Variants in TCHH observed in about 807,000 individuals in gnomAD.
TCHH encodes trichohyalin.
TCHH carries 6 observed loss-of-function variants against 6.3 expected under a neutral mutation model. The observed-to-expected ratio is 0.95, with a 90% confidence interval of 0.52 to 1.88. TCHH has a LOEUF of 1.88. TCHH is among the 40% of genes most tolerant of loss of function. The probability of loss-of-function intolerance (pLI) is 0.01; values close to 1 mark genes in which losing one functional copy is unlikely to be tolerated. For missense variants in TCHH, 2,920 were observed against 2,449.1 expected, an observed-to-expected ratio of 1.19 and a Z score of -4.06; for synonymous variants, 1,087 against 963.6, an observed-to-expected ratio of 1.13 and a Z score of -2.37.
At position 152,110,480 on chromosome 1, in the gene TCHH, GCTC is replaced by G. The variant is rs754137237; in HGVS notation, c.2734_2736del (p.Glu912del). 51 of 1,612,984 alleles carry G rather than the reference GCTC, an allele frequency of 3.2e-5. No individual in the cohort carries two copies. In the Admixed American group the frequency reaches 3.3e-4, roughly 11 times the overall value. On this transcript the variant is annotated inframe_deletion, in exon 3 of 3. Transcript: ENST00000614923. ...CTCTTCTCGCGCTCCTCTCTCTGTA[GCTC>G]CTCCTCCTCCTCCTGCAGCAGCTGC... is the stretch of plus-strand genomic sequence containing the variant.
At position 152,109,619 on chromosome 1, in the gene TCHH, G is replaced by T. The variant is rs199817873; in HGVS notation, c.3598C>A (p.Arg1200=). 3 of 1,614,142 alleles carry T rather than the reference G, an allele frequency of 1.9e-6. No homozygotes were observed. Among genetic ancestry groups the T allele is most frequent in the Non-Finnish European group, 2.5e-6 (3 of 1,180,040 alleles). Residue 1200 remains arginine, a synonymous_variant, in exon 3 of 3, where the codon CGG becomes AGG. Transcript: ENST00000614923. The part of the protein sequence containing the change: ...KRRQERERQY[R]EEEELQRQKR... The stretch of plus-strand genomic sequence containing the variant: ...TGGCGCTGAAGCTCTTCCTCCTCCC[G>T]ATACTGCCTCTCCCGCTCCTGGCGC...
rs375717600 is a variant in TCHH, at chr1:152,109,917, C to T, written c.3300G>A (p.Lys1100=). Residue 1100 remains lysine, a synonymous_variant, in exon 3 of 3, where the codon AAG becomes AAA. Coordinates refer to ENST00000614923, the MANE Select transcript of TCHH (RefSeq NM_007113.4). ...EEQLLREEPE[K]RRRQERERQC... is the part of the protein sequence containing the mutation. ...GCCTCTCCCGCTCCTGGCGCCTTCT[C>T]TTCTCCGGTTCCTCTCTCAGCAGCT... The T allele has an allele frequency of 4.7e-3, 7,492 of 1,580,150 alleles. 19 individuals carry two copies. The highest frequency in any genetic ancestry group is 5.6e-3 in the Non-Finnish European group (6,539 of 1,167,688).
chr1:152,113,758 A>G (rs1294780844), intron 2 of TCHH, among the ~76,000 whole-genome samples, 185 bp downstream of exon 2: 1 of 152,218 alleles, frequency 6.6e-6, no homozygotes, highest in Non-Finnish European at 1.5e-5. Context: ...AGTACATGAA[A>G]TACTTTATTA....
rs761565101 is a variant in TCHH, at chr1:152,111,722, G to GCTCGCGCCTCTCCTCCTC, written c.1477_1494dup (p.Glu493_Glu498dup). 2 of 1,597,270 alleles carry GCTCGCGCCTCTCCTCCTC rather than the reference G, an allele frequency of 1.3e-6. No individual in the cohort carries two copies. Among genetic ancestry groups the GCTCGCGCCTCTCCTCCTC allele is most frequent in the African/African-American group, 1.4e-5 (1 of 73,008 alleles). On this transcript the variant is annotated inframe_insertion, in exon 3 of 3. Coordinates refer to ENST00000614923, the MANE Select transcript of TCHH (RefSeq NM_007113.4). Reference sequence around the variant, plus strand: ...AGTTGCTGCTCGCGCCTCTCCTGCTGCTCGCGCCTCTCCTCCTCCTCGAGC... The same window carrying GCTCGCGCCTCTCCTCCTC: ...AGTTGCTGCTCGCGCCTCTCCTGCTGCTCGCGCCTCTCCTCCTCCTCGCGCCTCTCCTCCTCCTCGAGC...
chr1:152,114,430 AGAG>A (rs1553194944), intron 1 of TCHH, among the ~76,000 whole-genome samples: 5 of 152,200 alleles, frequency 3.3e-5, no homozygotes, highest in Non-Finnish European at 7.3e-5. Flanking sequence ...AATTAAGAGA[AGAG>A]TGCAGAAATT....
At position 152,112,687 on chromosome 1, in the gene TCHH, C is replaced by T. The variant is rs1418667862; in HGVS notation, c.530G>A (p.Arg177Lys). ...CTCTTCCCGTTCTTGCCATTCTTGCCTTTGCCGCCACAGCTCCTCGTCGCG... is the reference window on the plus strand; with the variant it reads ...CTCTTCCCGTTCTTGCCATTCTTGCTTTTGCCGCCACAGCTCCTCGTCGCG... ...QRRDEELWRQ[R>K]QEWQEREERR... is the part of the protein sequence containing the mutation. Residue 177 changes from arginine (R) to lysine (K), a missense_variant, in exon 3 of 3, where the codon AGG becomes AAG. By Grantham distance (26) the Arg-to-Lys change is conservative (BLOSUM62 2). Transcript: ENST00000614923. 3.1e-6 allele frequency: 5 copies of T among 1,613,976 alleles called. No individual in the cohort carries two copies. The highest frequency in any genetic ancestry group is 1.3e-5 in the African/African-American group (1 of 74,900).
chr1:152,108,108 C>T lies in TCHH; in HGVS notation c.5109G>A (p.Gln1703=). 2 of 1,611,226 alleles carry T rather than the reference C, an allele frequency of 1.2e-6. No individual in the cohort carries two copies. Among genetic ancestry groups the T allele is most frequent in the Non-Finnish European group, 1.7e-6 (2 of 1,179,154 alleles). The change falls in exon 3 of 3, where the codon CAG becomes CAA. Residue 1703 remains glutamine (Q), a synonymous_variant. Transcript: ENST00000614923. ...CCTGGAGGAATTTTCTCTCTCGTTC[C>T]TGACGGCGGAGCTGCTGTTCCTCTT... The part of the protein sequence containing the change: ...FREEEQQLRR[Q]ERERKFLQEE...
chr1:152,107,643 A>G lies in TCHH; in HGVS notation c.5574T>C (p.Arg1858=). Residue 1858 remains arginine (R), a synonymous_variant, in exon 3 of 3, where the codon CGT becomes CGC. Transcript: ENST00000614923. ...CTTGCCATAGTTCTTGTTCCTCACG[A>G]CGACTCTTCTCCTGCGTGGCAAACT... ...EEQFATQEKS[R]REEQELWQEE... is the part of the protein sequence containing the mutation. The G allele has an allele frequency of 6.2e-7, 1 of 1,613,932 alleles. No homozygotes were observed. Among genetic ancestry groups the G allele is most frequent in the Non-Finnish European group, 8.5e-7 (1 of 1,180,000 alleles).
Position 152,107,731 on chromosome 1 carries a change from T to C in TCHH, c.5486A>G (p.Gln1829Arg). 6.2e-7 allele frequency: 1 copy of C among 1,614,238 alleles called. No homozygotes were observed. The highest frequency in any genetic ancestry group is 8.5e-7 in the Non-Finnish European group (1 of 1,180,046). The change falls in exon 3 of 3, where the codon CAA becomes CGA. Residue 1829 changes from glutamine to arginine, a missense_variant. Physicochemically the swap from Gln to Arg is conservative, Grantham distance 43. Transcript: ENST00000614923. ...CAGCCTCTGCTCTTGTTCCTCAAGT[T>C]GGAGCTGCTCTTCTTCCCAGCGATA... is the stretch of plus-strand genomic sequence containing the variant. ...GKYRWEEEQL[Q>R]LEEQEQRLRQ...
Position 152,109,210 on chromosome 1 carries a change from C to G in TCHH, c.4007G>C (p.Arg1336Thr). The G allele has an allele frequency of 6.2e-7, 1 of 1,613,334 alleles. No homozygotes were observed. Among genetic ancestry groups the G allele is most frequent in the African/African-American group, 1.3e-5 (1 of 75,070 alleles). ...CAGCTGTTCCTCCTCGCGGAATTTT[C>G]TGTCTGTCTCTTGACGGCGTCTCTT... The part of the protein sequence containing the change: ...EEKRRRQETD[R>T]KFREEEQLLQ... Residue 1336 changes from arginine (R) to threonine (T), a missense_variant, in exon 3 of 3, where the codon AGA becomes ACA. Transcript: ENST00000614923.
rs760326208 is a variant in TCHH, at chr1:152,107,984, G to C, written c.5233C>G (p.Arg1745Gly). 49 of 1,612,878 alleles carry C rather than the reference G, an allele frequency of 3.0e-5. No homozygotes were observed. The East Asian group carries it at 7.1e-4, about 24-fold the overall frequency. ...TCTTCCTCTAGGATTTTTCTGTAGC[G>C]TTCTTGGCGGCGCAGCTGCTCTTGC... ...TEQEQLRRQE[R>G]YRKILEEEQL... Residue 1745 changes from arginine (R) to glycine (G), a missense_variant, in exon 3 of 3, where the codon CGC becomes GGC. By Grantham distance (125) the Arg-to-Gly change is moderately radical (BLOSUM62 -2). Transcript: ENST00000614923.
rs1658182718 is a variant in TCHH at position 152,108,357 on chromosome 1, T to C, written c.4860A>G (p.Lys1620=). The C allele has an allele frequency of 1.9e-6, 3 of 1,606,632 alleles. No homozygotes were observed. Among genetic ancestry groups the C allele is most frequent in the Non-Finnish European group, 1.7e-6 (2 of 1,177,580 alleles). ...GGAGCAGCTGTTCGTCTTCGCGGAA[T>C]TTTCTGTCGCGCTCCTGGCGCAGCT... The part of the protein sequence containing the change: ...QQQLRQERDR[K]FREDEQLLQE... The change falls in exon 3 of 3, where the codon AAA becomes AAG. Residue 1620 remains lysine, a synonymous_variant. Coordinates refer to ENST00000614923, the MANE Select transcript of TCHH (RefSeq NM_007113.4).
In TCHH at chr1:152,107,103, TAAAC is replaced by T. The variant is rs1055775870; in HGVS notation, c.*278_*281del. The T allele has an allele frequency of 5.3e-5, 15 of 283,722 alleles. No individual in the cohort carries two copies. The highest frequency in any genetic ancestry group is 9.1e-5 in the Non-Finnish European group (14 of 153,630). 17.6% of individuals were successfully genotyped at this position (283,722 alleles called of 1,614,324 possible). A position where few individuals can be genotyped will look rare whatever the true frequency, so the allele number is the denominator to read the frequency against. On this transcript the variant is annotated 3_prime_UTR_variant, in exon 3 of 3. Transcript: ENST00000614923. ...AACATGTTCCTCAAACAAAATTTCT[TAAAC>T]AAATTAAATGATTTATATTTTTTTT... is the stretch of plus-strand genomic sequence containing the variant.
rs773033251 is a variant in TCHH at position 152,108,178 on chromosome 1, T to C, written c.5039A>G (p.Glu1680Gly). 1.1e-5 allele frequency: 17 copies of C among 1,613,574 alleles called. No homozygotes were observed. In the South Asian group the frequency reaches 1.8e-4, roughly 17 times the overall value. Reference protein sequence around the residue: ...REEEQLLQEGEEQQLRRQERD... With the variant: ...REEEQLLQEGGEQQLRRQERD... ...CTCTTGGCGGCGCAGCTGCTGTTCC[T>C]CCCCTTCCTGGAGCAGCTGTTCCTC... Residue 1680 changes from glutamate (E) to glycine (G), a missense_variant, in exon 3 of 3, where the codon GAG becomes GGG. Glu to Gly is a moderately conservative substitution (Grantham distance 98, BLOSUM62 -2). Coordinates refer to ENST00000614923, the MANE Select transcript of TCHH (RefSeq NM_007113.4).
rs373657816 is a variant in TCHH, at chr1:152,109,703, C to G, written c.3514G>C (p.Glu1172Gln). 83 of 1,605,224 alleles carry G rather than the reference C, an allele frequency of 5.2e-5. No individual in the cohort carries two copies. The South Asian group carries it at 7.5e-4, about 15-fold the overall frequency. ...RRQELERQYR[E>Q]EEELQQEEEQ... ...TCCTCCTGCTGCAGCTCCTCTTCCTCGCGGTATTGCCTCTCCAGCTCCTGG... is the reference window on the plus strand; with the variant it reads ...TCCTCCTGCTGCAGCTCCTCTTCCTGGCGGTATTGCCTCTCCAGCTCCTGG... The change falls in exon 3 of 3, where the codon GAG becomes CAG. Residue 1172 changes from glutamate to glutamine, a missense_variant. Transcript: ENST00000614923.
At position 152,111,080 on chromosome 1, in the gene TCHH, C is replaced by A; in HGVS notation, c.2137G>T (p.Asp713Tyr). Residue 713 changes from aspartate to tyrosine, a missense_variant, in exon 3 of 3, where the codon GAC (aspartate) becomes TAC (tyrosine). By Grantham distance (160) the Asp-to-Tyr change is radical. Transcript: ENST00000614923. Reference protein sequence around the residue: ...KWQWQLESEADARQSKVYSRP... With the variant: ...KWQWQLESEAYARQSKVYSRP... Reference sequence around the variant, plus strand: ...GAGTAGACTTTGCTTTGCCGTGCGTCGGCCTCGCTTTCTAGCTGCCACTGC... The same window carrying A: ...GAGTAGACTTTGCTTTGCCGTGCGTAGGCCTCGCTTTCTAGCTGCCACTGC... The A allele has an allele frequency of 6.2e-7, 1 of 1,613,528 alleles. No individual in the cohort carries two copies.
rs768294718 is a variant in TCHH, at chr1:152,108,325, C to T, written c.4892G>A (p.Arg1631Lys). Residue 1631 changes from arginine (R) to lysine (K), a missense_variant, in exon 3 of 3, where the codon AGG becomes AAG. Physicochemically the swap from Arg to Lys is conservative, Grantham distance 26. Coordinates refer to ENST00000614923, the MANE Select transcript of TCHH (RefSeq NM_007113.4). ...FREDEQLLQE[R>K]EEQQLHRQER... The stretch of plus-strand genomic sequence containing the variant: ...TTGGCGGTGCAGCTGCTGTTCTTCC[C>T]TTTCCTGGAGCAGCTGTTCGTCTTC... 1.1e-5 allele frequency: 17 copies of T among 1,602,318 alleles called. No homozygotes were observed. Among genetic ancestry groups the T allele is most frequent in the Non-Finnish European group, 1.4e-5 (17 of 1,175,424 alleles).
Position 152,108,281 on chromosome 1 carries a change from G to C in TCHH, c.4936C>G (p.Leu1646Val), listed in dbSNP as rs376711476. 75 of 1,612,990 alleles carry C rather than the reference G, an allele frequency of 4.6e-5. No individual in the cohort carries two copies. Among genetic ancestry groups the C allele is most frequent in the Non-Finnish European group, 6.2e-5 (73 of 1,179,724 alleles). The stretch of plus-strand genomic sequence containing the variant: ...CGGCGCAGCTGCGGTTCCTCCTCGA[G>C]GAATTTTCTGTCACGCTCTTGGCGG... ...LHRQERDRKF[L>V]EEEPQLRRQE... The change falls in exon 3 of 3, where the codon CTC (leucine) becomes GTC (valine). Residue 1646 changes from leucine to valine, a missense_variant. Transcript: ENST00000614923.
chr1:152,114,869 T>C (rs1658473151), intron 1 of TCHH, among the ~76,000 whole-genome samples: 1 of 152,220 alleles, frequency 6.6e-6, no homozygotes, highest in Non-Finnish European at 1.5e-5. Context: ...ATGATATTGG[T>C]TTTGTTAAAC....
Sources: gnomAD v4.1 joint callset for allele counts (sites outside exome capture counted in the v4.1 genomes callset) on GRCh38, gnomAD v4.1.1 for gene constraint, MANE v1.5 for transcripts, NCBI Gene and HGNC (gene_info 2026-07-23, HGNC 2026-07-21) for gene names.